SRD5A3: variants seen among roughly 807,000 people sequenced by gnomAD.
The protein encoded by SRD5A3 is polyprenal reductase.
SRD5A3 carries 24 observed loss-of-function variants against 34.3 expected under a neutral mutation model. The ratio of observed to expected loss-of-function variants is 0.70; its 90% confidence interval spans 0.51 to 0.99. SRD5A3 has a LOEUF of 0.99. SRD5A3 is among the 50% of genes least tolerant of loss of function. SRD5A3 has a pLI of 0.00. For missense variants in SRD5A3, 350 were observed against 388.2 expected (o/e 0.90, Z 0.83); for synonymous variants, 161 against 167.3 (o/e 0.96, Z 0.29).
chr4:55,349,158 C>T (rs1432243745), intron 1 of SRD5A3, among the ~76,000 whole-genome samples: 1 of 152,156 alleles, frequency 6.6e-6, no homozygotes, highest in Non-Finnish European at 1.5e-5. Context: ...CCTCAGTCTC[C>T]TGAGTAGCTG....
chr4:55,352,094 C>T, intron 1 of SRD5A3: 1 of 780,184 alleles, frequency 1.3e-6, no homozygotes, highest in East Asian at 2.4e-5. Context: ...AGGCATTACA[C>T]AATCAGTTAT....
chr4:55,359,448 T>A lies in SRD5A3; in HGVS notation c.324T>A (p.Leu108=), dbSNP rs1272076801. 2 of 1,613,906 alleles carry A rather than the reference T, an allele frequency of 1.2e-6. No homozygotes were observed. Among genetic ancestry groups the A allele is most frequent in the Non-Finnish European group, 1.7e-6 (2 of 1,180,020 alleles). The stretch of plus-strand genomic sequence containing the variant: ...TGGGAGCACCTTTTCCAAGCTGGCT[T>A]CATGGTTTGCTCAGAATTCTCGGGG... The part of the protein sequence containing the change: ...LFLGAPFPSW[L]HGLLRILGAA... The change falls in exon 2 of 5, where the codon CTT becomes CTA. Residue 108 remains leucine, a synonymous_variant. Coordinates refer to ENST00000264228, the MANE Select transcript of SRD5A3 (RefSeq NM_024592.5).
chr4:55,353,478 G>A (rs534643020), intron 1 of SRD5A3, among the ~76,000 whole-genome samples: 18 of 152,280 alleles, frequency 1.2e-4, no homozygotes, highest in East Asian at 3.9e-4. Flanking sequence ...GGATGTGGGC[G>A]GGGCCAAATA....
At chr4:55,358,328 T>C (rs1719547120) in intron 1 of SRD5A3, among the ~76,000 whole-genome samples, 2 of 151,976 alleles carry the variant, frequency 1.3e-5, no homozygotes, top group Non-Finnish European at 1.5e-5. Flanking sequence ...CCCAGGAGTT[T>C]GAGACCAGCC....
chr4:55,352,976 C>T (rs1351673877), intron 1 of SRD5A3, among the ~76,000 whole-genome samples: 1 of 152,080 alleles, frequency 6.6e-6, no homozygotes, highest in Non-Finnish European at 1.5e-5. Flanking sequence ...GCCTTGCAGC[C>T]TATGCTAGAA....
chr4:55,349,485 C>G lies in SRD5A3; in HGVS notation c.221+2928C>G, dbSNP rs188507886. 4.7e-4 allele frequency among the ~76,000 whole-genome samples: 71 copies of G among 151,470 alleles called. 1 individual carries two copies. The East Asian group carries it at 0.012, about 26-fold the overall frequency. ...CTTTCCTACGGAGGCAAGAGTAAAA[C>G]CTGAAATTGGTTCTTGGAATGTTTG... is the stretch of plus-strand genomic sequence containing the variant. On this transcript the variant is annotated intron_variant, in intron 1 of 4. Transcript: ENST00000264228.
intron 1 of SRD5A3, among the ~76,000 whole-genome samples, chr4:55,354,008 G>A (rs1719323445): frequency 6.6e-6 from 1 of 152,190 alleles, no homozygotes. Flanking sequence ...CAGGGCCAGG[G>A]ATCTAGCCAG....
At chr4:55,368,615 A>G (rs973607482) in intron 4 of SRD5A3, among the ~76,000 whole-genome samples, 1 of 151,410 alleles carries the variant, frequency 6.6e-6, no homozygotes, top group African/African-American at 2.4e-5. Context: ...TAGTACAGAC[A>G]AGGTTTTGCC....
intron 1 of SRD5A3, among the ~76,000 whole-genome samples, chr4:55,353,375 T>A (rs1315405318): frequency 6.6e-6 from 1 of 152,134 alleles, no homozygotes; most frequent in Non-Finnish European, 1.5e-5. Context: ...GCTAAAAGTT[T>A]GTAAATGCAC....
chr4:55,347,997 G>A (rs1234674969), intron 1 of SRD5A3, among the ~76,000 whole-genome samples: 3 of 152,110 alleles, frequency 2.0e-5, no homozygotes, highest in African/African-American at 7.2e-5. Context: ...TACTAGTCTA[G>A]TGTACCTGGA....
chr4:55,352,505 C>T, intron 1 of SRD5A3: 1 of 587,838 alleles, frequency 1.7e-6, no homozygotes, highest in Non-Finnish European at 3.1e-6. Context: ...ATGGTGAGAA[C>T]CCCTGCTCTA....
chr4:55,351,089 T>C (rs546129676), intron 1 of SRD5A3, among the ~76,000 whole-genome samples: 6 of 150,416 alleles, frequency 4.0e-5, no homozygotes, highest in African/African-American at 1.2e-4. Flanking sequence ...TTTTTTTTCT[T>C]GAGACAGGGT....
At chr4:55,367,095 C>G (rs1276607625) in intron 3 of SRD5A3, 1 of 188,368 alleles carries the variant, frequency 5.3e-6, no homozygotes, top group Non-Finnish European at 1.1e-5. Flanking sequence ...AGTCAGCATT[C>G]TGCTTTCAGG....
At chr4:55,363,672 G>A (rs1241677008) in intron 2 of SRD5A3, among the ~76,000 whole-genome samples, 1 of 152,008 alleles carries the variant, frequency 6.6e-6, no homozygotes, top group African/African-American at 2.4e-5. Flanking sequence ...CCCCCTCTCT[G>A]CCTCTGTGAT....
At chr4:55,359,206 T>C in intron 1 of SRD5A3, 140 bp from the exon 2 acceptor site, 1 of 1,189,626 alleles carries the variant, frequency 8.4e-7, no homozygotes, top group Non-Finnish European at 1.2e-6. Context: ...ACCTATAGGA[T>C]TCAGATTCTA....
intron 2 of SRD5A3, among the ~76,000 whole-genome samples, chr4:55,362,091 C>A (rs929416792): frequency 6.6e-6 from 1 of 151,106 alleles, no homozygotes; most frequent in Non-Finnish European, 1.5e-5. Flanking sequence ...GGGGAGGGGT[C>A]GTGCCTACAC....
At chr4:55,354,570 TTC>T (rs1157153406) in intron 1 of SRD5A3, among the ~76,000 whole-genome samples, 1 of 152,130 alleles carries the variant, frequency 6.6e-6, no homozygotes, top group Non-Finnish European at 1.5e-5. Context: ...TCTCTGCTAG[TTC>T]TCTCTCTTAC....
At position 55,346,452 on chromosome 4, in the gene SRD5A3, T is replaced by G; in HGVS notation, c.116T>G (p.Leu39Arg). Residue 39 changes from leucine to arginine, a missense_variant, in exon 1 of 5, where the codon CTG (leucine) becomes CGG (arginine). Around this residue, in one of 3 missense-constraint regions of SRD5A3, gnomAD observed 159 missense variants for 149.1 expected, o/e 1.07. Transcript: ENST00000264228. ...TLLLQLLPPG[L>R]LPGCAIFQDL... Reference sequence around the variant, plus strand: ...CTGCTGCAGCTCCTGCCGCCCGGCCTGCTCCCGGGCTGCGCGATCTTCCAG... The same window carrying G: ...CTGCTGCAGCTCCTGCCGCCCGGCCGGCTCCCGGGCTGCGCGATCTTCCAG... The G allele has an allele frequency of 1.9e-6, 3 of 1,607,272 alleles. No homozygotes were observed. The highest frequency in any genetic ancestry group is 2.5e-6 in the Non-Finnish European group (3 of 1,177,512).
In SRD5A3 at chr4:55,369,967, GGC is replaced by G; in HGVS notation, c.834_835del (p.Trp278CysfsTer9). ...TTTGGGTTCCACAACTTAACTTGGT[GGC>G]TAGTGGTGACAAATGTCTTCTTTAA... is the stretch of plus-strand genomic sequence containing the variant. On this transcript the variant is annotated frameshift_variant, in exon 5 of 5. Coordinates refer to ENST00000264228, the MANE Select transcript of SRD5A3 (RefSeq NM_024592.5). LOFTEE classifies it high-confidence loss of function. The G allele has an allele frequency of 6.2e-7, 1 of 1,614,146 alleles. No individual in the cohort carries two copies. The highest frequency in any genetic ancestry group is 8.5e-7 in the Non-Finnish European group (1 of 1,180,028).
Sources: gnomAD v4.1 joint callset for allele counts (sites outside exome capture counted in the v4.1 genomes callset) on GRCh38, gnomAD v4.1.1 for gene constraint, gnomAD v4.1.1 regional missense constraint, MANE v1.5 for transcripts, NCBI Gene and HGNC (gene_info 2026-07-23, HGNC 2026-07-21) for gene names.